The following VPS54 variants were observed in gnomAD, a reference collection of about 807,000 sequenced individuals.
VPS54 encodes vacuolar protein sorting-associated protein 54.
VPS54 carries 45 observed loss-of-function variants against 121.5 expected under a neutral mutation model. The observed-to-expected ratio is 0.37, with a 90% CI of 0.29 to 0.47. The LOEUF (loss-of-function observed/expected upper bound fraction) is 0.47. Ranked by LOEUF, VPS54 falls within the 20% of genes least tolerant of loss-of-function variation. The pLI is 0.99. For synonymous variants in VPS54, 371 were observed against 385.8 expected (o/e 0.96, Z 0.45); for missense variants, 1,090 against 1,131.4 (o/e 0.96, Z 0.52).
chr2:64,005,253 G>A (rs1014594031), intron 1 of VPS54, among the ~76,000 whole-genome samples: 15 of 150,610 alleles, frequency 1.0e-4, no homozygotes, highest in Admixed American at 2.0e-4. Context: ...ACAGGTGCCC[G>A]CCACCGCGCC....
chr2:64,006,071 T>C (rs1190535735), intron 1 of VPS54, among the ~76,000 whole-genome samples: 2 of 152,242 alleles, frequency 1.3e-5, no homozygotes, highest in African/African-American at 2.4e-5. Context: ...TATGTGATTA[T>C]TTACCTGCTT....
At chr2:63,966,996 T>C (rs1380059171) in intron 5 of VPS54, among the ~76,000 whole-genome samples, 1 of 152,232 alleles carries the variant, frequency 6.6e-6, no homozygotes, top group Non-Finnish European at 1.5e-5. Flanking sequence ...AACACAAATA[T>C]ATCATGCATA....
chr2:63,923,344 G>A (rs1575912293), intron 12 of VPS54, among the ~76,000 whole-genome samples: 1 of 152,032 alleles, frequency 6.6e-6, no homozygotes, highest in Non-Finnish European at 1.5e-5. Flanking sequence ...TTTAACTTCA[G>A]TTAGATCTCT....
At chr2:63,978,721 G>A (rs1368804783) in intron 3 of VPS54, among the ~76,000 whole-genome samples, 1 of 152,112 alleles carries the variant, frequency 6.6e-6, no homozygotes, top group Non-Finnish European at 1.5e-5. Context: ...CCAGGTTCAT[G>A]GGATCCTTCT....
chr2:63,932,916 T>C (rs1674281235), intron 12 of VPS54, among the ~76,000 whole-genome samples: 2 of 152,230 alleles, frequency 1.3e-5, no homozygotes, highest in Non-Finnish European at 2.9e-5. Context: ...ACTAAGGTTA[T>C]ATAGGAGTGT....
intron 20 of VPS54, 94 bp from the exon 21 acceptor site, chr2:63,899,675 C>CA (rs1163498718): frequency 9.1e-6 from 9 of 993,932 alleles, no homozygotes; most frequent in Non-Finnish European, 1.4e-5. Flanking sequence ...TGTCCCTCCA[C>CA]ATATCCAATT....
intron 7 of VPS54, among the ~76,000 whole-genome samples, chr2:63,951,779 CA>C (rs1381441891): frequency 6.6e-6 from 1 of 151,946 alleles, no homozygotes. Context: ...CACAAATCTC[CA>C]AAAACTTTTC....
At chr2:63,966,376 G>T (rs144141517) in intron 5 of VPS54, among the ~76,000 whole-genome samples, 1 of 152,168 alleles carries the variant, frequency 6.6e-6, no homozygotes, top group Non-Finnish European at 1.5e-5. Flanking sequence ...GCTCAAAATT[G>T]TTTTAAAATT....
At chr2:64,000,532 A>T (rs901059438) in intron 1 of VPS54, among the ~76,000 whole-genome samples, 1 of 152,192 alleles carries the variant, frequency 6.6e-6, no homozygotes, top group African/African-American at 2.4e-5. Flanking sequence ...CCTTCCTGGG[A>T]AGGCTTTCCA....
At chr2:64,012,880 G>C (rs1678494714) in intron 1 of VPS54, among the ~76,000 whole-genome samples, 1 of 152,120 alleles carries the variant, frequency 6.6e-6, no homozygotes, top group Non-Finnish European at 1.5e-5. Flanking sequence ...GGAATGACCT[G>C]ATTTCTACAT....
chr2:63,954,620 A>G (rs183435139), intron 7 of VPS54, among the ~76,000 whole-genome samples: 6 of 152,210 alleles, frequency 3.9e-5, no homozygotes, highest in Admixed American at 3.9e-4. Context: ...TGATAAATCT[A>G]GACAGCAATT....
chr2:64,016,996 G>A (rs1356304998), intron 1 of VPS54, among the ~76,000 whole-genome samples: 1 of 142,578 alleles, frequency 7.0e-6, no homozygotes, highest in African/African-American at 2.6e-5. Flanking sequence ...GCAGGAAAGA[G>A]GAATTGTAAT....
intron 20 of VPS54, among the ~76,000 whole-genome samples, chr2:63,904,156 C>T (rs890729412): frequency 1.3e-5 from 2 of 152,000 alleles, no homozygotes; most frequent in African/African-American, 4.8e-5. Context: ...AAGGATATCA[C>T]AGGCCGGACG....
At position 63,899,460 on chromosome 2, in the gene VPS54, G is replaced by T. The variant is rs746812829; in HGVS notation, c.2733+14C>A. On this transcript the variant is annotated intron_variant, in intron 21 of 22. Transcript: ENST00000272322. ...GTTATATATACATGAATAGTTTTAG[G>T]AATTACTTCTCACCTGTGTTTGTTC... 8 of 1,607,920 alleles carry T rather than the reference G, an allele frequency of 5.0e-6. No individual in the cohort carries two copies. The highest frequency in any genetic ancestry group is 2.2e-5 in the South Asian group (2 of 90,854).
intron 5 of VPS54, 70 bp from the exon 6 acceptor site, chr2:63,966,036 A>G (rs997002965): frequency 8.2e-6 from 12 of 1,454,724 alleles, no homozygotes; most frequent in Non-Finnish European, 1.0e-5. Flanking sequence ...TTCTAACATC[A>G]TGATCATTAA....
chr2:63,937,399 A>G (rs977184672), intron 11 of VPS54, among the ~76,000 whole-genome samples: 2 of 152,216 alleles, frequency 1.3e-5, no homozygotes, highest in Admixed American at 6.5e-5. Context: ...AAGATGCTCA[A>G]CATCACTCAT....
rs2104452639 is a variant in VPS54, at chr2:63,921,289, C to T, written c.1786G>A (p.Ala596Thr). 2 of 1,612,948 alleles carry T rather than the reference C, an allele frequency of 1.2e-6. No individual in the cohort carries two copies. The highest frequency in any genetic ancestry group is 1.7e-6 in the Non-Finnish European group (2 of 1,179,362). Residue 596 changes from alanine to threonine, a missense_variant, in exon 13 of 23, where the codon GCA becomes ACA. Physicochemically the swap from Ala to Thr is moderately conservative, Grantham distance 58. Coordinates refer to ENST00000272322, the MANE Select transcript of VPS54 (RefSeq NM_016516.3). ...TATAATAATTCCTGGATATTATTTG[C>T]CAGCTTTCCTAGCTCTGAGTCAGTT... ...KLTDSELGKL[A>T]NNIQELLYSA...
chr2:63,927,736 G>A (rs1411970461), intron 12 of VPS54, among the ~76,000 whole-genome samples: 1 of 152,140 alleles, frequency 6.6e-6, no homozygotes, highest in African/African-American at 2.4e-5. Context: ...GCATGTTCTA[G>A]CCCATTGCAA....
chr2:63,925,761 A>T (rs936374988), intron 12 of VPS54, among the ~76,000 whole-genome samples: 1 of 152,258 alleles, frequency 6.6e-6, no homozygotes, highest in Non-Finnish European at 1.5e-5. Flanking sequence ...TTATTCCATT[A>T]ACATAAAGTT....
Sources: allele counts gnomAD v4.1 joint callset (sites outside exome capture counted in the v4.1 genomes callset), GRCh38; gene constraint gnomAD v4.1.1; transcripts MANE v1.5; gene names NCBI Gene and HGNC (gene_info 2026-07-23, HGNC 2026-07-21).